TANGO6: variants seen among roughly 807,000 people sequenced by gnomAD.
TANGO6 encodes transport and Golgi organization protein 6 homolog.
Under a neutral mutation model 114.2 loss-of-function variants are expected in TANGO6, and 90 were observed. That is an observed-to-expected ratio of 0.79 (90% CI 0.66 to 0.94). TANGO6 has a LOEUF of 0.94. Ranked by LOEUF, TANGO6 falls within the 40% of genes least tolerant of loss-of-function variation. The probability of loss-of-function intolerance (pLI) is 0.00; values close to 1 mark genes in which losing one functional copy is unlikely to be tolerated. For synonymous variants in TANGO6, 477 were observed against 509.8 expected (o/e 0.94, Z 0.87); for missense variants, 1,274 against 1,315.3 (o/e 0.97, Z 0.49).
rs184514745 is a variant in TANGO6 at position 68,921,886 on chromosome 16, G to A, written c.2127+2667G>A. 1.3e-4 allele frequency among the ~76,000 whole-genome samples: 20 copies of A among 151,896 alleles called. 1 individual carries two copies. The highest frequency in any genetic ancestry group is 4.1e-4 in the African/African-American group (17 of 41,410). ...CAGTTAGTTAAGTGAACATAAGCAC[G>A]TCACCCCCTATACCTTTGCCCTAGA... is the stretch of plus-strand genomic sequence containing the variant. On this transcript the variant is annotated intron_variant, in intron 12 of 17. Coordinates refer to ENST00000261778, the MANE Select transcript of TANGO6 (RefSeq NM_024562.2).
chr16:68,875,320 G>A (rs1171202878), intron 5 of TANGO6, 30 bp downstream of exon 5: 1 of 1,602,816 alleles, frequency 6.2e-7, no homozygotes, highest in Non-Finnish European at 8.5e-7. Flanking sequence ...TTGATCATTT[G>A]AGGATTATCT....
At chr16:68,874,114 C>G (rs896580761) in intron 4 of TANGO6, among the ~76,000 whole-genome samples, 5 of 152,212 alleles carry the variant, frequency 3.3e-5, no homozygotes, top group African/African-American at 1.2e-4. Context: ...TTTCCTCACA[C>G]ATACGTGTAT....
chr16:68,950,012 T>TA (rs1257811812), intron 14 of TANGO6, among the ~76,000 whole-genome samples: 4 of 152,058 alleles, frequency 2.6e-5, no homozygotes, highest in African/African-American at 9.7e-5. Flanking sequence ...AATTTGAAAA[T>TA]ATGGTAAGGA....
chr16:68,913,435 G>T (rs2152188133), intron 11 of TANGO6, among the ~76,000 whole-genome samples: 1 of 136,248 alleles, frequency 7.3e-6, no homozygotes, highest in South Asian at 2.4e-4. Context: ...TTGAGACAGA[G>T]TCTCACTCTG....
At chr16:68,902,665 A>G (rs942882175) in intron 9 of TANGO6, among the ~76,000 whole-genome samples, 161 bp downstream of exon 9, 2 of 152,208 alleles carry the variant, frequency 1.3e-5, no homozygotes, top group African/African-American at 2.4e-5. Context: ...TGAGCCTTAA[A>G]TAATCCTCCA....
intron 5 of TANGO6, among the ~76,000 whole-genome samples, chr16:68,876,264 C>T (rs866268952): frequency 3.3e-5 from 5 of 151,848 alleles, no homozygotes; most frequent in South Asian, 2.1e-4. Flanking sequence ...CGGGTTCAAG[C>T]GATTCTCCTG....
intron 14 of TANGO6, among the ~76,000 whole-genome samples, chr16:68,959,513 G>A (rs528016168): frequency 2.6e-3 from 398 of 152,210 alleles, no homozygotes; most frequent in Non-Finnish European, 2.6e-3. Context: ...CTTGAACCTG[G>A]GGGGTGGAGG....
intron 15 of TANGO6, among the ~76,000 whole-genome samples, chr16:69,006,316 T>C (rs906666567): frequency 1.3e-5 from 2 of 152,228 alleles, no homozygotes; most frequent in African/African-American, 2.4e-5. Context: ...CAGATTGTGC[T>C]TACACACATA....
intron 7 of TANGO6, among the ~76,000 whole-genome samples, chr16:68,892,210 T>G (rs1015705670): frequency 6.6e-6 from 1 of 152,220 alleles, no homozygotes; most frequent in African/African-American, 2.4e-5. Context: ...CAGTAGTGTG[T>G]GGGCCATAGC....
chr16:69,035,996 G>T (rs1376624732), intron 16 of TANGO6: 2 of 147,710 alleles, frequency 1.4e-5, no homozygotes, highest in Non-Finnish European at 3.0e-5. Context: ...TAAGCTGCGA[G>T]CATGCCACTG....
chr16:69,063,562 T>G (rs554891716), intron 17 of TANGO6, among the ~76,000 whole-genome samples: 2 of 139,534 alleles, frequency 1.4e-5, no homozygotes, highest in African/African-American at 5.3e-5. Flanking sequence ...GGGGGGCACC[T>G]GTAATCCCAG....
intron 17 of TANGO6, among the ~76,000 whole-genome samples, chr16:69,057,762 G>A (rs1204131063): frequency 6.6e-6 from 1 of 152,154 alleles, no homozygotes; most frequent in Non-Finnish European, 1.5e-5. Flanking sequence ...AGACAGTGAT[G>A]GGAAAGTGTT....
At chr16:68,952,271 T>C (rs1319857530) in intron 14 of TANGO6, among the ~76,000 whole-genome samples, 1 of 152,072 alleles carries the variant, frequency 6.6e-6, no homozygotes, top group Non-Finnish European at 1.5e-5. Flanking sequence ...AGCTTGTAAG[T>C]AAAACAGCAA....
At chr16:68,953,170 G>A (rs1328200472) in intron 14 of TANGO6, among the ~76,000 whole-genome samples, 1 of 151,608 alleles carries the variant, frequency 6.6e-6, no homozygotes, top group African/African-American at 2.4e-5. Flanking sequence ...TGCAACCTCT[G>A]CCTCCCAGGT....
At chr16:68,878,705 C>A (rs1412211778) in intron 6 of TANGO6, among the ~76,000 whole-genome samples, 2 of 152,120 alleles carry the variant, frequency 1.3e-5, no homozygotes, top group African/African-American at 4.8e-5. Context: ...ATATAATATA[C>A]AAATTCCATT....
intron 14 of TANGO6, among the ~76,000 whole-genome samples, chr16:68,946,358 A>G (rs1049593444): frequency 6.6e-6 from 1 of 151,636 alleles, no homozygotes; most frequent in Non-Finnish European, 1.5e-5. Flanking sequence ...TGCCCGGCTA[A>G]TTTTTTTGTA....
chr16:69,040,464 A>C lies in TANGO6; in HGVS notation c.3108+43A>C. 2.0e-6 allele frequency: 3 copies of C among 1,477,694 alleles called. No homozygotes were observed. In the East Asian group the frequency reaches 7.3e-5, roughly 36 times the overall value. 91.5% of individuals were successfully genotyped at this position (1,477,694 alleles called of 1,614,324 possible). A position where few individuals can be genotyped will look rare whatever the true frequency, so the allele number is the denominator to read the frequency against. ...CCTTTGCAATTTCTCCACCTCTTTT[A>C]TTTGTCTATTTCTCAATCTTCCTTT... On this transcript the variant is annotated intron_variant, in intron 17 of 17. Transcript: ENST00000261778.
chr16:68,867,565 C>A, intron 4 of TANGO6: 1 of 198,128 alleles, frequency 5.0e-6, no homozygotes, highest in Non-Finnish European at 1.0e-5. Context: ...GTGGGCCGGG[C>A]GCGGTGGCTC....
At chr16:68,847,706 A>G (rs929695659) in intron 1 of TANGO6, among the ~76,000 whole-genome samples, 1 of 152,114 alleles carries the variant, frequency 6.6e-6, no homozygotes, top group Non-Finnish European at 1.5e-5. Flanking sequence ...AAAGTCCTAG[A>G]AGAATATTGC....
Sources: gnomAD v4.1 joint callset for allele counts (sites outside exome capture counted in the v4.1 genomes callset) on GRCh38, gnomAD v4.1.1 for gene constraint, MANE v1.5 for transcripts, NCBI Gene and HGNC (gene_info 2026-07-23, HGNC 2026-07-21) for gene names.